The following CCDC125 variants were observed in gnomAD, a reference collection of about 807,000 sequenced individuals.
CCDC125 encodes the protein coiled-coil domain-containing protein 125.
Under a neutral mutation model 57.4 loss-of-function variants are expected in CCDC125, and 43 were observed. The observed-to-expected ratio is 0.75, with a 90% confidence interval of 0.59 to 0.97. The LOEUF (loss-of-function observed/expected upper bound fraction) is 0.97, where lower values mean the gene tolerates loss of function less well. CCDC125 is among the 50% of genes least tolerant of loss of function. The probability of loss-of-function intolerance (pLI) is 0.00; values close to 1 mark genes in which losing one functional copy is unlikely to be tolerated. For synonymous variants in CCDC125, 187 were observed against 195.2 expected (o/e 0.96, Z 0.35); for missense variants, 563 against 595.7 (o/e 0.95, Z 0.57).
At chr5:69,331,529 C>T (rs554991963) in intron 1 of CCDC125, among the ~76,000 whole-genome samples, 7 of 152,066 alleles carry the variant, frequency 4.6e-5, no homozygotes, top group Admixed American at 4.6e-4. Context: ...TGCGCCCAGC[C>T]GAAACTCCGT....
At position 69,285,326 on chromosome 5, in the gene CCDC125, A is replaced by G; in HGVS notation, c.1230+11T>C. On this transcript the variant is annotated intron_variant, in intron 11 of 11. Coordinates refer to ENST00000396496, the MANE Select transcript of CCDC125 (RefSeq NM_176816.5). ...TAACCATAACCTGCAAAAAAAAGCAAAGACACTAACCAAATCTATGAGCAT... is the reference window on the plus strand; with the variant it reads ...TAACCATAACCTGCAAAAAAAAGCAGAGACACTAACCAAATCTATGAGCAT... 3.1e-6 allele frequency: 5 copies of G among 1,609,322 alleles called. No individual in the cohort carries two copies. The highest frequency in any genetic ancestry group is 4.2e-6 in the Non-Finnish European group (5 of 1,178,768).
chr5:69,317,144 G>T (rs1442157097), intron 2 of CCDC125, among the ~76,000 whole-genome samples: 1 of 152,056 alleles, frequency 6.6e-6, no homozygotes, highest in Non-Finnish European at 1.5e-5. Flanking sequence ...AAGTAGCTGG[G>T]ATTACAGGCA....
At chr5:69,308,690 GAA>G (rs1298930506) in intron 4 of CCDC125, 13 of 169,534 alleles carry the variant, frequency 7.7e-5, no homozygotes, top group African/African-American at 3.1e-4. Context: ...GGGCATTGCT[GAA>G]AAGATACCCA....
At chr5:69,318,470 C>T (rs1160008182) in intron 2 of CCDC125, among the ~76,000 whole-genome samples, 3 of 150,612 alleles carry the variant, frequency 2.0e-5, no homozygotes, top group Non-Finnish European at 4.4e-5. Flanking sequence ...AGGCCAGGCA[C>T]GGTGGCTCAT....
chr5:69,299,970 G>C (rs1756108386), intron 8 of CCDC125, 42 bp downstream of exon 8: 1 of 1,393,406 alleles, frequency 7.2e-7, no homozygotes, highest in Non-Finnish European at 1.0e-6. Flanking sequence ...AAGGAAAGTA[G>C]CAAATGTCCC....
At chr5:69,308,097 C>T in intron 4 of CCDC125, 69 bp from the exon 5 acceptor site, 2 of 1,094,328 alleles carry the variant, frequency 1.8e-6, no homozygotes, top group South Asian at 1.3e-5. Context: ...TCATGAAGTT[C>T]TCTTTTATTT....
At chr5:69,286,932 T>C (rs997741189) in intron 10 of CCDC125, among the ~76,000 whole-genome samples, 2 of 145,352 alleles carry the variant, frequency 1.4e-5, no homozygotes, top group African/African-American at 5.2e-5. Context: ...AAAAAAGAAA[T>C]AGCTTGGTGT....
At position 69,320,253 on chromosome 5, in the gene CCDC125, T is replaced by G; in HGVS notation, c.288A>C (p.Arg96Ser). Residue 96 changes from arginine (R) to serine (S), a missense_variant, in exon 2 of 12, where the codon AGA becomes AGC. Arg to Ser is a moderately radical substitution (Grantham distance 110). Coordinates refer to ENST00000396496, the MANE Select transcript of CCDC125 (RefSeq NM_176816.5). ...FPQVSRISNYRRQSSTVDSNS... is the reference protein window; with the variant it reads ...FPQVSRISNYSRQSSTVDSNS... ...CATTCTTACCAGTGCTACTTTGTCG[T>G]CTGTAATTGGAAATTCTGGACACTT... The G allele has an allele frequency of 1.9e-6, 3 of 1,613,590 alleles. No homozygotes were observed. The highest frequency in any genetic ancestry group is 2.5e-6 in the Non-Finnish European group (3 of 1,179,776).
intron 8 of CCDC125, 67 bp downstream of exon 8, chr5:69,299,945 G>A: frequency 8.5e-7 from 1 of 1,179,242 alleles, no homozygotes; most frequent in Non-Finnish European, 1.3e-6. Context: ...GTACACAAGG[G>A]CAATGGGAGA....
intron 10 of CCDC125, among the ~76,000 whole-genome samples, 191 bp downstream of exon 10, chr5:69,291,997 A>G (rs1754533504): frequency 6.6e-6 from 1 of 152,240 alleles, no homozygotes; most frequent in Admixed American, 6.5e-5. Context: ...GGATTCCAGT[A>G]GTTCACCTGC....
intron 10 of CCDC125, among the ~76,000 whole-genome samples, chr5:69,290,131 C>G (rs1460683036): frequency 6.6e-6 from 1 of 151,970 alleles, no homozygotes; most frequent in African/African-American, 2.4e-5. Context: ...CCCTCTGCAT[C>G]ACTTCTTACC....
chr5:69,290,465 G>A (rs1754228927), intron 10 of CCDC125, among the ~76,000 whole-genome samples: 1 of 151,010 alleles, frequency 6.6e-6, no homozygotes, highest in Admixed American at 6.6e-5. Context: ...ATCACACCCA[G>A]CTAATTTTTG....
At chr5:69,331,809 G>A (rs1216497057) in intron 1 of CCDC125, among the ~76,000 whole-genome samples, 1 of 152,146 alleles carries the variant, frequency 6.6e-6, no homozygotes, top group Non-Finnish European at 1.5e-5. Flanking sequence ...CCCTCCAGTA[G>A]CCTTCCTGAC....
chr5:69,278,696 C>T (rs1406130704), downstream of CCDC125, among the ~76,000 whole-genome samples: 1 of 138,946 alleles, frequency 7.2e-6, no homozygotes, highest in East Asian at 2.2e-4. Context: ...GATAGAATCT[C>T]TCTCTCCTTT....
chr5:69,279,204 T>C (rs1319721401), downstream of CCDC125, among the ~76,000 whole-genome samples: 88 of 150,578 alleles, frequency 5.8e-4, no homozygotes, highest in Admixed American at 1.5e-3. Context: ...GTTTGTTTTT[T>C]TTTTTTTTTT....
intron 3 of CCDC125, among the ~76,000 whole-genome samples, chr5:69,312,716 T>A (rs1758355722): frequency 6.6e-6 from 1 of 151,802 alleles, no homozygotes; most frequent in African/African-American, 2.4e-5. Context: ...AGAGATGAGG[T>A]GGATAAGAAA....
At chr5:69,286,373 A>G (rs1363485670) in intron 10 of CCDC125, among the ~76,000 whole-genome samples, 2 of 150,524 alleles carry the variant, frequency 1.3e-5, no homozygotes, top group African/African-American at 4.9e-5. Context: ...CTGGGACTAC[A>G]GGCGCCCGCC....
chr5:69,300,168 A>G (rs1463682014), intron 7 of CCDC125, 41 bp from the exon 8 acceptor site: 4 of 1,388,694 alleles, frequency 2.9e-6, no homozygotes, highest in Non-Finnish European at 3.1e-6. Context: ...TATGAAGCCT[A>G]ACTCCACCCT....
intron 2 of CCDC125, among the ~76,000 whole-genome samples, chr5:69,318,050 C>T (rs150741441): frequency 1.4e-5 from 2 of 138,068 alleles, no homozygotes; most frequent in Non-Finnish European, 3.0e-5. Flanking sequence ...GGTGCGATCT[C>T]GGCTCACTGC....
Sources: allele counts gnomAD v4.1 joint callset (sites outside exome capture counted in the v4.1 genomes callset), GRCh38; gene constraint gnomAD v4.1.1; transcripts MANE v1.5; gene names NCBI Gene and HGNC (gene_info 2026-07-23, HGNC 2026-07-21).